The following MVK variants were observed in gnomAD, a reference collection of about 807,000 sequenced individuals.
The protein encoded by MVK is LH receptor mRNA-binding protein.
A neutral mutation model predicts 43.2 loss-of-function variants in MVK; 34 were observed. That is an observed-to-expected ratio of 0.79 (90% CI 0.60 to 1.05). The LOEUF is 1.05. MVK is among the 50% of genes least tolerant of loss of function. MVK has a pLI of 0.00. For synonymous variants in MVK, 190 were observed against 219.8 expected (o/e 0.86, Z 1.20); for missense variants, 395 against 504.0 (o/e 0.78, Z 2.07).
Position 109,596,747 on chromosome 12 carries a change from A to AGG in MVK, c.*172_*173dup. ...CTCTGCAGTCCCAGCGGTGGGACCTAGGGAGGCATGGTCTGCCCTCTGCAT... is the reference window on the plus strand; with the variant it reads ...CTCTGCAGTCCCAGCGGTGGGACCTAGGGGGAGGCATGGTCTGCCCTCTGCAT... On this transcript the variant is annotated 3_prime_UTR_variant, in exon 11 of 11. Transcript: ENST00000228510. 1 of 995,928 alleles carries AGG rather than the reference A, an allele frequency of 1.0e-6. No homozygotes were observed. The highest frequency in any genetic ancestry group is 1.5e-5 in the South Asian group (1 of 67,744). 61.7% of individuals were successfully genotyped at this position (995,928 alleles called of 1,614,324 possible).
At chr12:109,573,770 G>A (rs1426582444), upstream of MVK, 5 of 472,308 alleles carry the variant, frequency 1.1e-5, no homozygotes, top group Admixed American at 6.8e-5. Flanking sequence ...GAAGTACAAC[G>A]CCTCCTCCCC....
intron 3 of MVK, 149 bp from the exon 4 acceptor site, chr12:109,579,653 G>C (rs564208999): frequency 1.7e-4 from 193 of 1,114,524 alleles, no homozygotes; most frequent in Non-Finnish European, 2.4e-4. Context: ...TAAAGCCAAT[G>C]AACAGACTTG....
Position 109,579,912 on chromosome 12 carries a change from C to G in MVK, c.337C>G (p.Leu113Val). 3 of 1,614,206 alleles carry G rather than the reference C, an allele frequency of 1.9e-6. No individual in the cohort carries two copies. Among genetic ancestry groups the G allele is most frequent in the Non-Finnish European group, 2.5e-6 (3 of 1,180,022 alleles). Reference sequence around the variant, plus strand: ...CGAGCGCCTGGCTGTGCTGGCCTTTCTTTACTTATACCTGTCCATCTGCCG... The same window carrying G: ...CGAGCGCCTGGCTGTGCTGGCCTTTGTTTACTTATACCTGTCCATCTGCCG... ...VTERLAVLAF[L>V]YLYLSICRKQ... The change falls in exon 4 of 11, where the codon CTT becomes GTT. Residue 113 changes from leucine to valine, a missense_variant. Coordinates refer to ENST00000228510, the MANE Select transcript of MVK (RefSeq NM_000431.4).
At chr12:109,577,157 CGT>C (rs1160312538) in intron 3 of MVK, among the ~76,000 whole-genome samples, 1 of 152,114 alleles carries the variant, frequency 6.6e-6, no homozygotes, top group African/African-American at 2.4e-5. Flanking sequence ...TTGTGTGTCA[CGT>C]GTGTGTGCTG....
chr12:109,587,554 G>T (rs934107117), intron 7 of MVK, among the ~76,000 whole-genome samples: 4 of 152,150 alleles, frequency 2.6e-5, no homozygotes, highest in African/African-American at 9.7e-5. Flanking sequence ...ATCAAGTTGT[G>T]GGGTGGTGTT....
intron 2 of MVK, 70 bp downstream of exon 2, chr12:109,574,970 A>G: frequency 6.9e-7 from 1 of 1,455,178 alleles, no homozygotes; most frequent in Non-Finnish European, 9.5e-7. Flanking sequence ...TAAGAAGGTA[A>G]AAGGACACCC....
intron 7 of MVK, among the ~76,000 whole-genome samples, chr12:109,587,410 A>G (rs955190680): frequency 5.9e-5 from 9 of 152,060 alleles, no homozygotes; most frequent in African/African-American, 2.2e-4. Context: ...GTGCGATTTC[A>G]GCATTCTCTG....
At chr12:109,594,909 C>G (rs1885847247) in intron 9 of MVK, 119 bp from the exon 10 acceptor site, 1 of 1,281,978 alleles carries the variant, frequency 7.8e-7, no homozygotes, top group Non-Finnish European at 1.1e-6. Context: ...GCCAGGTAGG[C>G]AAAGCCGTTG....
chr12:109,592,299 G>T (rs79119116), intron 9 of MVK, among the ~76,000 whole-genome samples: 4 of 152,226 alleles, frequency 2.6e-5, no homozygotes, highest in African/African-American at 9.6e-5. Flanking sequence ...GAACCAAAGA[G>T]CCCAGGCTCC....
Position 109,591,261 on chromosome 12 carries a change from C to T in MVK, c.789C>T (p.Pro263=). ...RLLKFPEIVA[P]LLTSIDAISL... ...TCCAGTTCCCAGAGATCGTGGCCCCCCTCCTGACCTCAATAGATGCCATCT... is the reference window on the plus strand; with the variant it reads ...TCCAGTTCCCAGAGATCGTGGCCCCTCTCCTGACCTCAATAGATGCCATCT... Residue 263 remains proline (P), a synonymous_variant, in exon 9 of 11, where the codon CCC becomes CCT. Transcript: ENST00000228510. 2 of 1,614,222 alleles carry T rather than the reference C, an allele frequency of 1.2e-6. No individual in the cohort carries two copies. The highest frequency in any genetic ancestry group is 1.1e-5 in the South Asian group (1 of 91,090).
chr12:109,581,277 C>A, intron 4 of MVK, 118 bp from the exon 5 acceptor site: 1 of 1,324,258 alleles, frequency 7.6e-7, no homozygotes. Context: ...GGAATTCTCC[C>A]CCAGTTGAGA....
chr12:109,578,911 G>A (rs1387850316), intron 3 of MVK, among the ~76,000 whole-genome samples: 1 of 152,170 alleles, frequency 6.6e-6, no homozygotes, highest in African/African-American at 2.4e-5. Context: ...ACATCCCTGG[G>A]AACAACCTGC....
At chr12:109,579,079 T>G (rs1885087588) in intron 3 of MVK, 1 of 328,576 alleles carries the variant, frequency 3.0e-6, no homozygotes, top group Non-Finnish European at 6.1e-6. Flanking sequence ...CTTGTGCGAT[T>G]GAGCCAGCAT....
At position 109,595,279 on chromosome 12, in the gene MVK, G is replaced by A; in HGVS notation, c.1039+98G>A. 6.6e-7 allele frequency: 1 copy of A among 1,503,840 alleles called. No homozygotes were observed. The highest frequency in any genetic ancestry group is 1.2e-5 in the South Asian group (1 of 83,756). The allele number at this position is 1,503,840 out of a possible 1,614,324, so 93.2% of individuals were successfully genotyped here. On this transcript the variant is annotated intron_variant, in intron 10 of 10. Coordinates refer to ENST00000228510, the MANE Select transcript of MVK (RefSeq NM_000431.4). The surrounding 1 kb of genome is among the most constrained non-coding windows in gnomAD (Gnocchi z 5.9). Reference sequence around the variant, plus strand: ...AAAGGAAAAAGAGACCTGGAAACAGGTCTCAGCTCCGCTGTGTGGCCTTGG... The same window carrying A: ...AAAGGAAAAAGAGACCTGGAAACAGATCTCAGCTCCGCTGTGTGGCCTTGG...
chr12:109,594,555 G>T (rs992877325), intron 9 of MVK, among the ~76,000 whole-genome samples: 1 of 152,250 alleles, frequency 6.6e-6, no homozygotes, highest in African/African-American at 2.4e-5. Context: ...AATGGCTTCA[G>T]GTATAGCTCA....
At chr12:109,590,712 C>T in intron 7 of MVK, 59 bp from the exon 8 acceptor site, 1 of 1,531,102 alleles carries the variant, frequency 6.5e-7, no homozygotes, top group South Asian at 1.1e-5. Flanking sequence ...TGCTCCCAGT[C>T]CTGTCCCAGC....
In MVK at chr12:109,597,313, A is replaced by C. The variant is rs1369357285; in HGVS notation, c.*736A>C. On this transcript the variant is annotated 3_prime_UTR_variant, in exon 11 of 11. Coordinates refer to ENST00000228510, the MANE Select transcript of MVK (RefSeq NM_000431.4). The stretch of plus-strand genomic sequence containing the variant: ...CTCCCTCTGTCCCTGTCCCCTCTCC[A>C]GCTGTTTCCTCCATGGAGCTCTTCA... 1.3e-5 allele frequency: 2 copies of C among 153,162 alleles called. No individual in the cohort carries two copies. The highest frequency in any genetic ancestry group is 2.9e-5 in the Non-Finnish European group (2 of 68,802). 9.5% of individuals were successfully genotyped at this position (153,162 alleles called of 1,614,324 possible).
In MVK at chr12:109,574,859, A is replaced by G; in HGVS notation, c.37A>G (p.Lys13Glu). 4 of 1,610,206 alleles carry G rather than the reference A, an allele frequency of 2.5e-6. No individual in the cohort carries two copies. Among genetic ancestry groups the G allele is most frequent in the Non-Finnish European group, 3.4e-6 (4 of 1,178,322 alleles). Reference sequence around the variant, plus strand: ...AGTCCTACTGGTGTCTGCTCCGGGGAAAGTCATCCTTCATGGAGAACATGC... The same window carrying G: ...AGTCCTACTGGTGTCTGCTCCGGGGGAAGTCATCCTTCATGGAGAACATGC... ...SEVLLVSAPG[K>E]VILHGEHAVV... The change falls in exon 2 of 11, where the codon AAA becomes GAA. Residue 13 changes from lysine (K) to glutamate (E), a missense_variant. Coordinates refer to ENST00000228510, the MANE Select transcript of MVK (RefSeq NM_000431.4).
At chr12:109,589,971 G>C (rs548507803) in intron 7 of MVK, 4 of 154,234 alleles carry the variant, frequency 2.6e-5, no homozygotes, top group African/African-American at 9.6e-5. Flanking sequence ...AGCTCAACGT[G>C]GCTGCCTGGG....
Sources: gnomAD v4.1 joint callset for allele counts (sites outside exome capture counted in the v4.1 genomes callset) on GRCh38, gnomAD v4.1.1 for gene constraint, Gnocchi (gnomAD v3.1) non-coding constraint, MANE v1.5 for transcripts, NCBI Gene and HGNC (gene_info 2026-07-23, HGNC 2026-07-21) for gene names.